Variants in SPATA16 observed in about 807,000 individuals in gnomAD.
SPATA16 encodes the protein spermatogenesis-associated protein 16.
In SPATA16, 36 loss-of-function variants were observed where a neutral mutation model predicts 63.3. The observed-to-expected ratio is 0.57, with a 90% CI of 0.44 to 0.75. The LOEUF (loss-of-function observed/expected upper bound fraction) is 0.75. Among genes scored for constraint, SPATA16 ranks in the 30% least tolerant of loss-of-function variants. SPATA16 has a pLI of 0.00. For synonymous variants in SPATA16, 203 were observed against 216.7 expected (o/e 0.94, Z 0.56); for missense variants, 646 against 679.3 (o/e 0.95, Z 0.54).
intron 1 of SPATA16, among the ~76,000 whole-genome samples, chr3:173,126,538 G>A (rs1189464285): frequency 6.6e-6 from 1 of 152,188 alleles, no homozygotes; most frequent in Non-Finnish European, 1.5e-5. Context: ...GTAAGAGGCT[G>A]TATAGATGTG....
At chr3:172,916,783 C>T (rs1039938948) in intron 8 of SPATA16, among the ~76,000 whole-genome samples, 1 of 152,154 alleles carries the variant, frequency 6.6e-6, no homozygotes, top group Non-Finnish European at 1.5e-5. Context: ...ACTTCACTCA[C>T]CCAGGAGTGA....
At chr3:173,111,894 A>G (rs2108332373) in intron 2 of SPATA16, among the ~76,000 whole-genome samples, 1 of 152,332 alleles carries the variant, frequency 6.6e-6, no homozygotes, top group African/African-American at 2.4e-5. Flanking sequence ...CCAATGTTTT[A>G]CCGATCCAAG....
intron 6 of SPATA16, among the ~76,000 whole-genome samples, chr3:172,934,003 C>T (rs1295925072): frequency 6.6e-6 from 1 of 152,108 alleles, no homozygotes; most frequent in African/African-American, 2.4e-5. Context: ...ATATTGAATA[C>T]ATCCTGGTGA....
chr3:173,092,136 A>T (rs544745481), intron 2 of SPATA16, among the ~76,000 whole-genome samples: 4 of 152,148 alleles, frequency 2.6e-5, no homozygotes, highest in Non-Finnish European at 5.9e-5. Flanking sequence ...GCTGATGCTC[A>T]TACTGCTTGT....
intron 10 of SPATA16, among the ~76,000 whole-genome samples, chr3:172,910,331 A>T (rs1732341776): frequency 6.6e-6 from 1 of 152,030 alleles, no homozygotes; most frequent in African/African-American, 2.4e-5. Flanking sequence ...TGACCTCGTG[A>T]TCCGCCCGCC....
chr3:173,117,624 G>A lies in SPATA16; in HGVS notation c.108C>T (p.His36=). Residue 36 remains histidine (H), a synonymous_variant, in exon 2 of 11, where the codon CAC becomes CAT. Transcript: ENST00000351008. ...GTGACATTTCCAGGATGTTAGGTGG[G>A]TGCGCTAAGGTGGACATTTTCTTGC... The part of the protein sequence containing the change: ...NTSKKMSTLA[H]PPNILEMSQE... 2 of 1,613,868 alleles carry A rather than the reference G, an allele frequency of 1.2e-6. No individual in the cohort carries two copies. The highest frequency in any genetic ancestry group is 1.7e-6 in the Non-Finnish European group (2 of 1,179,868).
At chr3:172,915,989 A>G (rs543582844) in intron 9 of SPATA16, among the ~76,000 whole-genome samples, 4 of 152,182 alleles carry the variant, frequency 2.6e-5, no homozygotes, top group South Asian at 2.1e-4. Context: ...ATATATCAAT[A>G]TATCTTGGAG....
At chr3:173,139,755 G>A (rs1037174600) in intron 1 of SPATA16, among the ~76,000 whole-genome samples, 3 of 152,196 alleles carry the variant, frequency 2.0e-5, no homozygotes, top group Non-Finnish European at 2.9e-5. Context: ...GGATACTGAG[G>A]TGGGCATATC....
intron 3 of SPATA16, 30 bp downstream of exon 3, chr3:173,048,919 T>C (rs2108293780): frequency 6.2e-7 from 1 of 1,612,966 alleles, no homozygotes; most frequent in East Asian, 2.2e-5. Context: ...TGAACAGCAT[T>C]TACTTGCACT....
chr3:172,909,693 A>G (rs946087479), intron 10 of SPATA16, among the ~76,000 whole-genome samples: 1 of 152,250 alleles, frequency 6.6e-6, no homozygotes, highest in Non-Finnish European at 1.5e-5. Context: ...CATGAGATGC[A>G]TTGAGTAAGA....
intron 2 of SPATA16, among the ~76,000 whole-genome samples, chr3:173,094,981 A>G (rs1346587506): frequency 6.6e-6 from 1 of 152,128 alleles, no homozygotes; most frequent in Admixed American, 6.6e-5. Flanking sequence ...CCATGGTTCT[A>G]TGTAAAATTT....
At chr3:172,897,949 T>C (rs1263167367) in intron 10 of SPATA16, among the ~76,000 whole-genome samples, 1 of 152,008 alleles carries the variant, frequency 6.6e-6, no homozygotes, top group Non-Finnish European at 1.5e-5. Context: ...GTTTTCTGAG[T>C]ATTTTTTAAA....
At chr3:172,943,390 C>T (rs1351722414) in intron 6 of SPATA16, among the ~76,000 whole-genome samples, 1 of 152,130 alleles carries the variant, frequency 6.6e-6, no homozygotes, top group African/African-American at 2.4e-5. Context: ...CCTTGTGTTG[C>T]AATCCCAGCC....
intron 2 of SPATA16, among the ~76,000 whole-genome samples, chr3:173,092,502 A>C (rs1176449240): frequency 6.6e-6 from 1 of 152,200 alleles, no homozygotes; most frequent in East Asian, 1.9e-4. Context: ...GGCTCAATAT[A>C]ATCACAAAGT....
At chr3:172,924,931 C>A (rs1732693446) in intron 7 of SPATA16, among the ~76,000 whole-genome samples, 2 of 152,118 alleles carry the variant, frequency 1.3e-5, no homozygotes, top group South Asian at 4.1e-4. Flanking sequence ...AAACTCTTGG[C>A]TAATTACATA....
At chr3:173,112,880 G>A (rs536658277) in intron 2 of SPATA16, among the ~76,000 whole-genome samples, 1 of 152,256 alleles carries the variant, frequency 6.6e-6, no homozygotes, top group South Asian at 2.1e-4. Flanking sequence ...ATATAGATTT[G>A]TTCTAATTCA....
At chr3:172,955,822 G>A (rs997902422) in intron 6 of SPATA16, among the ~76,000 whole-genome samples, 1 of 152,104 alleles carries the variant, frequency 6.6e-6, no homozygotes, top group African/African-American at 2.4e-5. Flanking sequence ...GTTCCTAAAT[G>A]GGAAGCACCT....
chr3:173,019,458 A>AT, intron 4 of SPATA16, 28 bp downstream of exon 4: 1 of 1,577,476 alleles, frequency 6.3e-7, no homozygotes, highest in East Asian at 2.2e-5. Flanking sequence ...CTTGATATAA[A>AT]TCCTCACAAA....
intron 2 of SPATA16, among the ~76,000 whole-genome samples, chr3:173,111,888 T>C (rs1363347216): frequency 6.6e-6 from 1 of 152,232 alleles, no homozygotes; most frequent in Non-Finnish European, 1.5e-5. Context: ...CTCAGACCAA[T>C]GTTTTACCGA....
Sources: allele counts gnomAD v4.1 joint callset (sites outside exome capture counted in the v4.1 genomes callset), GRCh38; gene constraint gnomAD v4.1.1; transcripts MANE v1.5; gene names NCBI Gene and HGNC (gene_info 2026-07-23, HGNC 2026-07-21).